CA10: variants seen among roughly 807,000 people sequenced by gnomAD.
CA10 encodes carbonic anhydrase 10 (inactive), also known as carbonic anhydrase-related protein 10.
Under a neutral mutation model 44.2 loss-of-function variants are expected in CA10, and 14 were observed. The observed-to-expected ratio is 0.32, with a 90% confidence interval of 0.21 to 0.50. The LOEUF is 0.50. Among genes scored for constraint, CA10 ranks in the 20% least tolerant of loss-of-function variants. The pLI is 0.99. For synonymous variants in CA10, 159 were observed against 141.6 expected (o/e 1.12, Z -0.87); for missense variants, 350 against 409.7 (o/e 0.85, Z 1.26).
intron 2 of CA10, among the ~76,000 whole-genome samples, chr17:51,940,450 G>A (rs1983034092): frequency 1.3e-5 from 2 of 151,982 alleles, no homozygotes; most frequent in Non-Finnish European, 2.9e-5. Flanking sequence ...CCATTCTTGG[G>A]GGCACAAGAC....
intron 3 of CA10, among the ~76,000 whole-genome samples, chr17:51,927,815 T>A (rs891672115): frequency 6.6e-6 from 1 of 152,184 alleles, no homozygotes; most frequent in African/African-American, 2.4e-5. Flanking sequence ...ATATGGAAAC[T>A]TTAAGCAACC....
intron 3 of CA10, among the ~76,000 whole-genome samples, chr17:51,864,187 C>T (rs746932635): frequency 5.9e-5 from 9 of 152,162 alleles, no homozygotes; most frequent in Non-Finnish European, 1.2e-4. Context: ...AGAGACATTC[C>T]TATCACTTGG....
At position 51,631,348 on chromosome 17, in the gene CA10, TTGCATGTGTTTGTATGTATGTGCAAG is replaced by T. The variant is rs934598500; in HGVS notation, c.*210_*235del. The T allele has an allele frequency of 2.1e-5, 12 of 568,962 alleles. No individual in the cohort carries two copies. The highest frequency in any genetic ancestry group is 3.8e-5 in the Non-Finnish European group (12 of 316,020). The allele number at this position is 568,962 out of a possible 1,614,324, so 35.2% of individuals were successfully genotyped here. ...AGAGTGTGTGTGTGTGTAGGTATGTTTGCATGTGTTTGTATGTATGTGCAAGTGCTTGTGTGTGTGTTTGTGAGTAT... is the reference window on the plus strand; with the variant it reads ...AGAGTGTGTGTGTGTGTAGGTATGTTTGCTTGTGTGTGTGTTTGTGAGTAT... On this transcript the variant is annotated 3_prime_UTR_variant, in exon 9 of 9. Transcript: ENST00000451037.
At chr17:51,759,910 T>C (rs1209077421) in intron 3 of CA10, among the ~76,000 whole-genome samples, 1 of 152,250 alleles carries the variant, frequency 6.6e-6, no homozygotes, top group East Asian at 1.9e-4. Context: ...GGGTTATACA[T>C]TGATTCATCT....
intron 3 of CA10, among the ~76,000 whole-genome samples, chr17:51,771,110 A>G (rs1905591466): frequency 7.5e-6 from 1 of 133,682 alleles, no homozygotes; most frequent in South Asian, 2.7e-4. Context: ...GCGACAGAGT[A>G]AGACTCCGTC....
intron 3 of CA10, among the ~76,000 whole-genome samples, chr17:51,780,616 C>A (rs765233189): frequency 2.0e-5 from 3 of 152,190 alleles, no homozygotes; most frequent in Non-Finnish European, 4.4e-5. Flanking sequence ...AAATGAACAA[C>A]TGCAATAAAA....
At chr17:51,853,996 G>A (rs1271760889) in intron 3 of CA10, among the ~76,000 whole-genome samples, 4 of 152,130 alleles carry the variant, frequency 2.6e-5, no homozygotes, top group African/African-American at 9.7e-5. Context: ...GAATACATCT[G>A]GCCTTGGTGA....
intron 2 of CA10, among the ~76,000 whole-genome samples, chr17:52,048,860 C>T (rs942022496): frequency 2.6e-5 from 4 of 151,862 alleles, no homozygotes; most frequent in Non-Finnish European, 4.4e-5. Flanking sequence ...CATTACCCTA[C>T]AAGAAATGGG....
intron 4 of CA10, among the ~76,000 whole-genome samples, chr17:51,670,022 G>A (rs1218029054): frequency 6.6e-6 from 1 of 152,196 alleles, no homozygotes; most frequent in Non-Finnish European, 1.5e-5. Flanking sequence ...TTTATCAGGG[G>A]AAACCCCTTT....
chr17:51,779,441 A>C lies in CA10; in HGVS notation c.280-31623T>G, dbSNP rs142992603. ...TCAATTAGCAAAACTGCAATGATTC[A>C]CACAGGGTTACGCTGGAAAATTGGG... On this transcript the variant is annotated intron_variant, in intron 3 of 8. Coordinates refer to ENST00000451037, the MANE Select transcript of CA10 (RefSeq NM_020178.5). Among the ~76,000 whole-genome samples the C allele has an allele frequency of 4.1e-3, 624 of 152,324 alleles. 5 individuals carry two copies. Among genetic ancestry groups the C allele is most frequent in the African/African-American group, 0.014 (599 of 41,570 alleles).
At chr17:51,946,991 C>T (rs950490477) in intron 2 of CA10, among the ~76,000 whole-genome samples, 6 of 151,842 alleles carry the variant, frequency 4.0e-5, no homozygotes, top group Admixed American at 6.6e-5. Flanking sequence ...TCTGTCAGCA[C>T]AATTAGGGTA....
chr17:51,701,990 C>T (rs1250648363), intron 4 of CA10, among the ~76,000 whole-genome samples: 2 of 152,204 alleles, frequency 1.3e-5, no homozygotes, highest in South Asian at 2.1e-4. Context: ...AAATGCTTCT[C>T]AGAACCTGCC....
At chr17:51,895,307 A>G (rs1016101667) in intron 3 of CA10, among the ~76,000 whole-genome samples, 20 of 152,116 alleles carry the variant, frequency 1.3e-4, no homozygotes, top group African/African-American at 4.3e-4. Flanking sequence ...AGAAAACAGG[A>G]AAACAACAGA....
intron 2 of CA10, among the ~76,000 whole-genome samples, chr17:51,936,089 G>C (rs1296613943): frequency 1.3e-5 from 2 of 152,184 alleles, no homozygotes; most frequent in African/African-American, 4.8e-5. Context: ...ATGGCAACAA[G>C]ATAAATTCAA....
intron 5 of CA10, among the ~76,000 whole-genome samples, chr17:51,651,146 G>T (rs775607314): frequency 2.0e-5 from 3 of 152,166 alleles, no homozygotes; most frequent in Admixed American, 6.5e-5. Context: ...AGGATGTGGG[G>T]CTTGTCATAT....
At chr17:51,959,812 AAGG>A (rs1383304151) in intron 2 of CA10, among the ~76,000 whole-genome samples, 3 of 148,904 alleles carry the variant, frequency 2.0e-5, no homozygotes, top group African/African-American at 2.5e-5. Flanking sequence ...AAAAAAAAAA[AAGG>A]AAAGAAAAGA....
intron 2 of CA10, among the ~76,000 whole-genome samples, chr17:52,069,738 A>G (rs1431140574): frequency 6.6e-6 from 1 of 152,154 alleles, no homozygotes; most frequent in African/African-American, 2.4e-5. Context: ...TGCTGAATTA[A>G]CCTTGTACTC....
At chr17:51,979,201 C>T (rs1000117195) in intron 2 of CA10, among the ~76,000 whole-genome samples, 1 of 152,134 alleles carries the variant, frequency 6.6e-6, no homozygotes, top group Non-Finnish European at 1.5e-5. Context: ...TTTCCTCCCC[C>T]ACTTATGACA....
intron 5 of CA10, among the ~76,000 whole-genome samples, chr17:51,651,731 C>T (rs1913574323): frequency 6.6e-6 from 1 of 152,192 alleles, no homozygotes; most frequent in Non-Finnish European, 1.5e-5. Flanking sequence ...CCTGTGCCTC[C>T]AGAATGACAG....
Sources: gnomAD v4.1 joint callset for allele counts (sites outside exome capture counted in the v4.1 genomes callset) on GRCh38, gnomAD v4.1.1 for gene constraint, MANE v1.5 for transcripts, NCBI Gene and HGNC (gene_info 2026-07-23, HGNC 2026-07-21) for gene names.